Variants in KIAA1217 observed in about 807,000 individuals in gnomAD.
KIAA1217 encodes the protein sickle tail protein homolog.
A neutral mutation model predicts 163.9 loss-of-function variants in KIAA1217; 88 were observed. That is an observed-to-expected ratio of 0.54 (90% CI 0.45 to 0.64). KIAA1217 has a LOEUF of 0.64. Ranked by LOEUF, KIAA1217 falls within the 30% of genes least tolerant of loss-of-function variation. The probability of loss-of-function intolerance (pLI) is 0.00; values close to 1 mark genes in which losing one functional copy is unlikely to be tolerated. For synonymous variants in KIAA1217, 903 were observed against 923.1 expected, an observed-to-expected ratio of 0.98 and a Z score of 0.39; for missense variants, 2,372 against 2,475.0, an observed-to-expected ratio of 0.96 and a Z score of 0.88.
intron 1 of KIAA1217, among the ~76,000 whole-genome samples, chr10:23,904,209 T>C (rs1420633655): frequency 6.6e-6 from 1 of 152,158 alleles, no homozygotes; most frequent in African/African-American, 2.4e-5. Flanking sequence ...GTATTGCATA[T>C]GCATTGCCTG....
intron 2 of KIAA1217, among the ~76,000 whole-genome samples, chr10:24,193,038 T>A (rs1460548002): frequency 6.6e-6 from 1 of 152,178 alleles, no homozygotes; most frequent in Non-Finnish European, 1.5e-5. Flanking sequence ...CATCTCAGCC[T>A]CCTGAGTAAC....
intron 5 of KIAA1217, among the ~76,000 whole-genome samples, chr10:24,452,526 A>C (rs930831947): frequency 6.6e-6 from 1 of 151,408 alleles, no homozygotes; most frequent in Non-Finnish European, 1.5e-5. Context: ...ACAAAAAAAA[A>C]AAAAAATTAG....
chr10:24,013,997 C>T (rs1177545268), intron 2 of KIAA1217, among the ~76,000 whole-genome samples: 1 of 152,106 alleles, frequency 6.6e-6, no homozygotes, highest in Non-Finnish European at 1.5e-5. Context: ...AAGTATGGAA[C>T]AGGAAAATTA....
At position 23,847,937 on chromosome 10, in the gene KIAA1217, A is replaced by T. The variant is rs541953735; in HGVS notation, c.-321+152703A>T. On this transcript the variant is annotated intron_variant, in intron 1 of 18. Coordinates refer to the KIAA1217 transcript ENST00000376462. ...TTGTGTCTTTGTTCTCATTTGTTTC[A>T]AAAAACCTCATTATTTCTGCCTTCA... Among the ~76,000 whole-genome samples, 89 of 152,190 alleles carry T rather than the reference A, an allele frequency of 5.8e-4. No individual in the cohort carries two copies. In the South Asian group the frequency reaches 8.3e-3, roughly 14 times the overall value.
At chr10:23,909,806 C>T (rs932997117) in intron 1 of KIAA1217, among the ~76,000 whole-genome samples, 5 of 152,122 alleles carry the variant, frequency 3.3e-5, no homozygotes, top group African/African-American at 1.2e-4. Context: ...TGGGTATATA[C>T]CCAGTAATGG....
At chr10:24,461,310 T>G (rs2062378031) in intron 5 of KIAA1217, among the ~76,000 whole-genome samples, 1 of 152,182 alleles carries the variant, frequency 6.6e-6, no homozygotes, top group Non-Finnish European at 1.5e-5. Flanking sequence ...ACTGCAATTG[T>G]AGAGCATAAC....
chr10:24,040,336 C>A (rs34267086), intron 2 of KIAA1217, among the ~76,000 whole-genome samples: 52,930 of 152,162 alleles, frequency 0.35, 11,479 homozygotes, highest in Non-Finnish European at 0.49. Flanking sequence ...GAATGCTCTT[C>A]ATTTGACAGC....
At chr10:24,325,538 C>T (rs1352475327) in intron 2 of KIAA1217, among the ~76,000 whole-genome samples, 2 of 152,188 alleles carry the variant, frequency 1.3e-5, no homozygotes, top group Admixed American at 1.3e-4. Context: ...GTTAAGGCAG[C>T]TCTGCCACCA....
At chr10:23,942,233 A>G (rs933509331) in intron 1 of KIAA1217, among the ~76,000 whole-genome samples, 2 of 152,220 alleles carry the variant, frequency 1.3e-5, no homozygotes, top group African/African-American at 4.8e-5. Context: ...ATGAGATGCC[A>G]TGGATTTGGA....
At chr10:23,729,663 A>G (rs989815950) in intron 1 of KIAA1217, among the ~76,000 whole-genome samples, 2 of 151,918 alleles carry the variant, frequency 1.3e-5, no homozygotes, top group African/African-American at 4.8e-5. Context: ...GAGTTTTAAG[A>G]GTTTTTATAT....
chr10:23,879,048 T>C (rs1840833840), intron 1 of KIAA1217, among the ~76,000 whole-genome samples: 1 of 151,800 alleles, frequency 6.6e-6, no homozygotes, highest in African/African-American at 2.4e-5. Context: ...AAATGGGCAG[T>C]TGGATATGAA....
chr10:23,954,117 C>T (rs976075769), intron 1 of KIAA1217, among the ~76,000 whole-genome samples: 3 of 152,174 alleles, frequency 2.0e-5, no homozygotes, highest in Non-Finnish European at 4.4e-5. Context: ...TGAGCAAGAA[C>T]ATGGTGGGCC....
At chr10:23,765,742 TCCC>T (rs1834487832) in intron 1 of KIAA1217, among the ~76,000 whole-genome samples, 3 of 152,148 alleles carry the variant, frequency 2.0e-5, no homozygotes, top group African/African-American at 7.2e-5. Context: ...ATGCCTTGCT[TCCC>T]TTTTGCCTTC....
rs878975796 is a variant in KIAA1217, at chr10:24,141,235, C to A, written c.-170-78391C>A. Among the ~76,000 whole-genome samples the A allele has an allele frequency of 2.3e-4, 31 of 135,204 alleles. 1 individual carries two copies. The highest frequency in any genetic ancestry group is 4.5e-4 in the Non-Finnish European group (28 of 61,940). 88.7% of individuals were successfully genotyped at this position (135,204 alleles called of 152,430 possible). On this transcript the variant is annotated intron_variant, in intron 2 of 18. Transcript: ENST00000376462. ...TCAGAGAAAGAATAAACCCCCCCCCCCCATTTCTCTCTTCTTTCCTTTTCT... is the reference window on the plus strand; with the variant it reads ...TCAGAGAAAGAATAAACCCCCCCCCACCATTTCTCTCTTCTTTCCTTTTCT...
At chr10:24,311,358 G>T (rs1157549467) in intron 2 of KIAA1217, among the ~76,000 whole-genome samples, 1 of 152,144 alleles carries the variant, frequency 6.6e-6, no homozygotes, top group Admixed American at 6.5e-5. Flanking sequence ...GTGGTGAACG[G>T]GTCCTCGCTG....
At chr10:23,729,465 T>C (rs2130784110) in intron 1 of KIAA1217, among the ~76,000 whole-genome samples, 1 of 152,336 alleles carries the variant, frequency 6.6e-6, no homozygotes, top group South Asian at 2.1e-4. Flanking sequence ...CATTTGGTGG[T>C]GTCAGAGTTC....
At chr10:24,331,990 G>A (rs141367486) in intron 2 of KIAA1217, among the ~76,000 whole-genome samples, 4,607 of 152,152 alleles carry the variant, frequency 0.03, 230 homozygotes, top group African/African-American at 0.1. Context: ...TAGTAGAGAC[G>A]GGGTTTCACC....
chr10:24,144,617 C>T (rs913218773), intron 2 of KIAA1217, among the ~76,000 whole-genome samples: 4 of 152,096 alleles, frequency 2.6e-5, no homozygotes, highest in Admixed American at 1.3e-4. Flanking sequence ...AAGCAGGATG[C>T]GCAATCAGTA....
At chr10:24,234,015 A>T (rs1423206068) in intron 2 of KIAA1217, among the ~76,000 whole-genome samples, 1 of 152,112 alleles carries the variant, frequency 6.6e-6, no homozygotes, top group Non-Finnish European at 1.5e-5. Flanking sequence ...TTAACTTTTT[A>T]AAAATATTAT....
Sources: gnomAD v4.1 joint callset for allele counts (sites outside exome capture counted in the v4.1 genomes callset) on GRCh38, gnomAD v4.1.1 for gene constraint, MANE v1.5 for transcripts, NCBI Gene and HGNC (gene_info 2026-07-23, HGNC 2026-07-21) for gene names.